Variants in HEXB observed in about 807,000 individuals in gnomAD.
HEXB encodes the protein beta-hexosaminidase subunit beta.
Under a neutral mutation model 71.2 loss-of-function variants are expected in HEXB, and 51 were observed. The ratio of observed to expected loss-of-function variants is 0.72; its 90% CI spans 0.57 to 0.90. HEXB has a LOEUF of 0.90. HEXB is among the 40% of genes least tolerant of loss of function. The probability of loss-of-function intolerance (pLI) is 0.00; values close to 1 mark genes in which losing one functional copy is unlikely to be tolerated. For missense variants in HEXB, 617 were observed against 677.0 expected, an observed-to-expected ratio of 0.91 and a Z score of 0.98; for synonymous variants, 266 against 249.3, an observed-to-expected ratio of 1.07 and a Z score of -0.63.
chr5:74,652,163 A>G lies in HEXB; in HGVS notation c.-377+11605A>G, dbSNP rs1477168776. Among the ~76,000 whole-genome samples, 1 of 152,158 alleles carries G rather than the reference A, an allele frequency of 6.6e-6. No individual in the cohort carries two copies. Among genetic ancestry groups the G allele is most frequent in the African/African-American group, 2.4e-5 (1 of 41,458 alleles). ...ACATATGCATGGATCAACCATAAAT[A>G]ATAATTAATGTCCATTTAGAGTCAC... On this transcript the variant is annotated intron_variant, in intron 1 of 13. Transcript: ENST00000511181. The surrounding 1 kb of genome is among the most constrained non-coding windows in gnomAD (Gnocchi z 5.4).
At chr5:74,684,736 G>T (rs1438372228), upstream of HEXB, among the ~76,000 whole-genome samples, 1 of 148,900 alleles carries the variant, frequency 6.7e-6, no homozygotes, top group African/African-American at 2.5e-5. Flanking sequence ...GGAGTGCAGT[G>T]GTGCGATCTC....
chr5:74,667,446 C>G (rs1045293581), intron 1 of HEXB, among the ~76,000 whole-genome samples: 1 of 152,094 alleles, frequency 6.6e-6, no homozygotes, highest in Admixed American at 6.5e-5. Flanking sequence ...ACAGTCCATT[C>G]TTGTGAGTTT....
At position 74,697,029 on chromosome 5, in the gene HEXB, C is replaced by T. The variant is rs923230512; in HGVS notation, c.592C>T (p.Pro198Ser). The T allele has an allele frequency of 1.4e-5, 22 of 1,580,910 alleles. No homozygotes were observed. In the Admixed American group the frequency reaches 2.3e-4, roughly 17 times the overall value. The change falls in exon 5 of 14, where the codon CCA (proline) becomes TCA (serine). Residue 198 changes from proline to serine, a missense_variant. By Grantham distance (74) the Pro-to-Ser change is moderately conservative. Coordinates refer to ENST00000261416, the MANE Select transcript of HEXB (RefSeq NM_000521.4). Reference sequence around the variant, plus strand: ...CAATGAATCCACCATTATTGATTCTCCAAGGTTTTCTCACAGAGGAATTTT... The same window carrying T: ...CAATGAATCCACCATTATTGATTCTTCAAGGTTTTCTCACAGAGGAATTTT... ...TINESTIIDSPRFSHRGILID... is the reference protein window; with the variant it reads ...TINESTIIDSSRFSHRGILID...
intron 1 of HEXB, among the ~76,000 whole-genome samples, chr5:74,664,638 A>C (rs1277446661): frequency 6.6e-6 from 1 of 152,154 alleles, no homozygotes; most frequent in South Asian, 2.1e-4. Context: ...TCAAGCTGGG[A>C]AAGCTTAAAA....
intron 7 of HEXB, among the ~76,000 whole-genome samples, 178 bp downstream of exon 7, chr5:74,713,813 G>A (rs1579950771): frequency 6.6e-6 from 1 of 151,988 alleles, no homozygotes; most frequent in Admixed American, 6.6e-5. Context: ...ACAGGCATGC[G>A]CCACCATGCC....
At chr5:74,694,417 T>C (rs972596357) in intron 3 of HEXB, among the ~76,000 whole-genome samples, 1 of 152,168 alleles carries the variant, frequency 6.6e-6, no homozygotes, top group African/African-American at 2.4e-5. Flanking sequence ...TAACTAAGTT[T>C]GTATAAGGAA....
Position 74,652,794 on chromosome 5 carries a change from T to C in HEXB, c.-377+12236T>C, listed in dbSNP as rs1748144820. Among the ~76,000 whole-genome samples the C allele has an allele frequency of 6.6e-6, 1 of 151,960 alleles. No individual in the cohort carries two copies. Among genetic ancestry groups the C allele is most frequent in the Non-Finnish European group, 1.5e-5 (1 of 68,000 alleles). ...AACCATCACCCTCTCTGAGCTCCAA[T>C]AAGGTGGCTACTCAGTCTTGTCTCA... On this transcript the variant is annotated intron_variant, in intron 1 of 13. Coordinates refer to the HEXB transcript ENST00000511181. This position sits in a 1 kb window ranked among gnomAD's most constrained non-coding sequence, Gnocchi z 5.4.
At chr5:74,705,632 G>T (rs1329254899) in intron 6 of HEXB, 1 of 306,292 alleles carries the variant, frequency 3.3e-6, no homozygotes, top group African/African-American at 2.1e-5. Context: ...TTATCAAGTT[G>T]TCCAACAGTG....
At chr5:74,699,029 C>G (rs948283529) in intron 5 of HEXB, among the ~76,000 whole-genome samples, 1 of 151,626 alleles carries the variant, frequency 6.6e-6, no homozygotes, top group South Asian at 2.1e-4. Context: ...ACTAAAAATA[C>G]AAAAAATTAG....
chr5:74,680,385 G>C (rs1031641324), upstream of HEXB, among the ~76,000 whole-genome samples: 5 of 152,184 alleles, frequency 3.3e-5, no homozygotes, highest in African/African-American at 1.2e-4. Flanking sequence ...TGTCGGGGAG[G>C]AGTGGGAGGC....
chr5:74,654,723 G>T (rs1273439512), intron 1 of HEXB, among the ~76,000 whole-genome samples: 1 of 152,158 alleles, frequency 6.6e-6, no homozygotes, highest in Non-Finnish European at 1.5e-5. Flanking sequence ...CCTCTGAAAG[G>T]TTAAACTAGA....
intron 11 of HEXB, chr5:74,720,063 C>T (rs1165019105): frequency 3.9e-6 from 1 of 256,258 alleles, no homozygotes; most frequent in Non-Finnish European, 7.6e-6. Flanking sequence ...ACTTCTATTC[C>T]CTGGCACACT....
intron 1 of HEXB, among the ~76,000 whole-genome samples, chr5:74,666,827 T>TA (rs1748440272): frequency 6.6e-6 from 1 of 151,762 alleles, no homozygotes; most frequent in Non-Finnish European, 1.5e-5. Context: ...CACACACATA[T>TA]AGAGAGAGAG....
chr5:74,659,014 T>A (rs1748271249), intron 1 of HEXB, among the ~76,000 whole-genome samples: 1 of 152,224 alleles, frequency 6.6e-6, no homozygotes, highest in Non-Finnish European at 1.5e-5. Context: ...TATGTTTCAA[T>A]TCAGTACAAT....
chr5:74,717,977 T>G (rs1007069260), intron 9 of HEXB, among the ~76,000 whole-genome samples: 2 of 152,192 alleles, frequency 1.3e-5, no homozygotes, highest in Admixed American at 6.5e-5. Context: ...TGTAAGAGAT[T>G]GCTGTTTGTA....
At chr5:74,718,679 T>C in intron 10 of HEXB, 118 bp from the exon 11 acceptor site, 16 of 1,048,220 alleles carry the variant, frequency 1.5e-5, no homozygotes, top group Non-Finnish European at 2.3e-5. Flanking sequence ...AAAAAGAAAA[T>C]GCAGATTTTT....
In HEXB at chr5:74,641,242, G is replaced by A. The variant is rs1357931238; in HGVS notation, c.-377+684G>A. The A allele has an allele frequency of 6.5e-6, 1 of 152,728 alleles. No homozygotes were observed. Among genetic ancestry groups the A allele is most frequent in the East Asian group, 1.9e-4 (1 of 5,204 alleles). 9.5% of individuals were successfully genotyped at this position (152,728 alleles called of 1,614,324 possible). ...CAGCGCCTTGGGTAGGACACCCAGA[G>A]TGGGGAGAGATAGTGGCAATGGACG... On this transcript the variant is annotated intron_variant, in intron 1 of 13. Coordinates refer to the HEXB transcript ENST00000511181. This position sits in a 1 kb window ranked among gnomAD's most constrained non-coding sequence, Gnocchi z 4.1.
intron 7 of HEXB, 65 bp from the exon 8 acceptor site, chr5:74,715,445 G>A: frequency 1.8e-6 from 2 of 1,115,786 alleles, no homozygotes; most frequent in South Asian, 1.3e-5. Flanking sequence ...GTAAAATCAT[G>A]TGGAAAACCA....
rs10644603 is a variant in HEXB, at chr5:74,705,091, CAAAAAAAA to C, written c.670-114_670-107del. 411 of 441,986 alleles carry C rather than the reference CAAAAAAAA, an allele frequency of 9.3e-4. 4 individuals are homozygous for C. In the African/African-American group the frequency reaches 0.01, roughly 11 times the overall value. 27.4% of individuals were successfully genotyped at this position (441,986 alleles called of 1,614,324 possible). On this transcript the variant is annotated intron_variant, in intron 5 of 13. Coordinates refer to ENST00000261416, the MANE Select transcript of HEXB (RefSeq NM_000521.4). ...TGGGCAATGGAGTGAGACCCTGTCT[CAAAAAAAA>C]AAAAAAAAAAAAAGTTTTAAAGGAA...
Sources: gnomAD v4.1 joint callset for allele counts (sites outside exome capture counted in the v4.1 genomes callset) on GRCh38, gnomAD v4.1.1 for gene constraint, Gnocchi (gnomAD v3.1) non-coding constraint, MANE v1.5 for transcripts, NCBI Gene and HGNC (gene_info 2026-07-23, HGNC 2026-07-21) for gene names.